The following NOC4L variants were observed in gnomAD, a reference collection of about 807,000 sequenced individuals.
The protein encoded by NOC4L is nucleolar complex associated 4 homolog.
NOC4L carries 40 observed loss-of-function variants against 62.8 expected under a neutral mutation model. That is an observed-to-expected ratio of 0.64 (90% CI 0.49 to 0.83). The LOEUF (loss-of-function observed/expected upper bound fraction) is 0.83. NOC4L is among the 40% of genes least tolerant of loss of function. The probability of loss-of-function intolerance (pLI) is 0.00; values close to 1 mark genes in which losing one functional copy is unlikely to be tolerated. For missense variants in NOC4L, 927 were observed against 701.9 expected (o/e 1.32, Z -3.62); for synonymous variants, 433 against 299.8 (o/e 1.44, Z -4.59).
intron 1 of NOC4L, 68 bp downstream of exon 1, chr12:132,144,673 C>T (rs1473490906): frequency 2.1e-6 from 3 of 1,410,604 alleles, no homozygotes; most frequent in Non-Finnish European, 2.8e-6. Context: ...GGGGCTGCGG[C>T]GGCAGGTCCC....
At position 132,152,030 on chromosome 12, in the gene NOC4L, G is replaced by T. The variant is rs936845451; in HGVS notation, c.1318-54G>T. 6 of 1,507,740 alleles carry T rather than the reference G, an allele frequency of 4.0e-6. No homozygotes were observed. The African/African-American group carries it at 8.4e-5, about 21-fold the overall frequency. The allele number at this position is 1,507,740 out of a possible 1,614,324, so 93.4% of individuals were successfully genotyped here. A position where few individuals can be genotyped will look rare whatever the true frequency, so the allele number is the denominator to read the frequency against. On this transcript the variant is annotated intron_variant, in intron 13 of 14. Transcript: ENST00000330579. ...GGGAGCACAGGGAGGCCATGGCTGG[G>T]GGCACAGGGCGGGGGCCTGGGGCAG...
Position 132,147,751 on chromosome 12 carries a change from C to G in NOC4L, c.572C>G (p.Ala191Gly), listed in dbSNP as rs1897778063. 1 of 1,612,672 alleles carries G rather than the reference C, an allele frequency of 6.2e-7. No individual in the cohort carries two copies. The highest frequency in any genetic ancestry group is 1.7e-5 in the Admixed American group (1 of 60,004). The change falls in exon 5 of 15, where the codon GCC becomes GGC. Residue 191 changes from alanine to glycine, a missense_variant. Transcript: ENST00000330579. ...CACACCATGCAGGCAGCCGTGGATG[C>G]CGTGGCCCGGGTCACTGGCCAGCAC... ...RYHTMQAAVD[A>G]VARVTGQHPE...
Position 132,147,343 on chromosome 12 carries a change from G to C in NOC4L, c.408G>C (p.Lys136Asn). The change falls in exon 4 of 15, where the codon AAG (lysine) becomes AAC (asparagine). Residue 136 changes from lysine to asparagine, a missense_variant. Physicochemically the swap from Lys to Asn is moderately conservative, Grantham distance 94 (BLOSUM62 0). Coordinates refer to ENST00000330579, the MANE Select transcript of NOC4L (RefSeq NM_024078.3). The part of the protein sequence containing the change: ...VQLEGAHPLE[K>N]SKWEGNYLFP... ...TGGAAGGAGCGCACCCCCTGGAGAAGTCCAAGTGGGAAGGCAACTACCTGT... is the reference window on the plus strand; with the variant it reads ...TGGAAGGAGCGCACCCCCTGGAGAACTCCAAGTGGGAAGGCAACTACCTGT... The C allele has an allele frequency of 6.3e-7, 1 of 1,597,432 alleles. No individual in the cohort carries two copies. Among genetic ancestry groups the C allele is most frequent in the Non-Finnish European group, 8.5e-7 (1 of 1,171,864 alleles).
chr12:132,151,924 C>A, intron 13 of NOC4L, 104 bp downstream of exon 13: 1 of 1,305,818 alleles, frequency 7.7e-7, no homozygotes, highest in Non-Finnish European at 1.1e-6. Flanking sequence ...ATGTTGCGTC[C>A]CCAGCTGGCC....
chr12:132,148,027 C>T (rs367767813), intron 6 of NOC4L, 45 bp from the exon 7 acceptor site: 24 of 1,613,086 alleles, frequency 1.5e-5, no homozygotes, highest in Non-Finnish European at 1.9e-5. Context: ...CCTTGGTCTG[C>T]CTCCCCTGCG....
chr12:132,152,379 C>G lies in NOC4L; in HGVS notation c.1529C>G (p.Ala510Gly), dbSNP rs543605453. The G allele has an allele frequency of 6.3e-7, 1 of 1,580,008 alleles. No individual in the cohort carries two copies. The highest frequency in any genetic ancestry group is 1.2e-5 in the South Asian group (1 of 86,804). Residue 510 changes from alanine to glycine, a missense_variant, in exon 15 of 15, where the codon GCC becomes GGC. Transcript: ENST00000330579. ...CTGGGACGGCCGGGTGAACTCTGTG[C>G]CCAGCACTTCACGCTCAGCTGACCC... Reference protein sequence around the residue: ...GLLGRPGELCAQHFTLS With the variant: ...GLLGRPGELCGQHFTLS
At chr12:132,148,189 G>T (rs747820871) in intron 7 of NOC4L, 83 bp downstream of exon 7, 320 of 1,424,268 alleles carry the variant, frequency 2.2e-4, no homozygotes, top group Non-Finnish European at 3.0e-4. Context: ...GGAGGCTGCC[G>T]CCTTCCTCAC....
intron 3 of NOC4L, among the ~76,000 whole-genome samples, chr12:132,145,989 A>G (rs1005118891): frequency 1.3e-5 from 2 of 152,220 alleles, no homozygotes; most frequent in African/African-American, 2.4e-5. Context: ...ATGGGAATGC[A>G]TTATGAGCTT....
In NOC4L at chr12:132,147,771, C is replaced by G. The variant is rs1489659996; in HGVS notation, c.592C>G (p.Gln198Glu). 1 of 1,612,514 alleles carries G rather than the reference C, an allele frequency of 6.2e-7. No homozygotes were observed. The highest frequency in any genetic ancestry group is 8.5e-7 in the Non-Finnish European group (1 of 1,179,938). The change falls in exon 5 of 15, where the codon CAG (glutamine) becomes GAG (glutamate). Residue 198 changes from glutamine (Q) to glutamate (E), a missense_variant. By Grantham distance (29) the Gln-to-Glu change is conservative (BLOSUM62 2). Transcript: ENST00000330579. ...AVDAVARVTGQHPEVPPAFWN... is the reference protein window; with the variant it reads ...AVDAVARVTGEHPEVPPAFWN... Reference sequence around the variant, plus strand: ...GGATGCCGTGGCCCGGGTCACTGGCCAGCACCCCGAGGTGGGTGATGGGGT... The same window carrying G: ...GGATGCCGTGGCCCGGGTCACTGGCGAGCACCCCGAGGTGGGTGATGGGGT...
At chr12:132,147,611 G>A in intron 4 of NOC4L, 22 bp from the exon 5 acceptor site, 1 of 1,611,262 alleles carries the variant, frequency 6.2e-7, no homozygotes, top group East Asian at 2.2e-5. Flanking sequence ...GGGCAGGGCT[G>A]CTCACTGGTC....
Position 132,148,671 on chromosome 12 carries a change from G to A in NOC4L, c.789+12G>A, listed in dbSNP as rs200950947. 6.5e-7 allele frequency: 1 copy of A among 1,539,488 alleles called. No homozygotes were observed. Among genetic ancestry groups the A allele is most frequent in the Admixed American group, 2.0e-5 (1 of 49,668 alleles). On this transcript the variant is annotated intron_variant, in intron 8 of 14. Transcript: ENST00000330579. ...TCCTCAAGCACAAGGTAGGGGCCAGGCCGGGGAGGGGGCGGGGGCGGCATC... is the reference window on the plus strand; with the variant it reads ...TCCTCAAGCACAAGGTAGGGGCCAGACCGGGGAGGGGGCGGGGGCGGCATC...
In NOC4L at chr12:132,151,003, C is replaced by T. The variant is rs201342608; in HGVS notation, c.924C>T (p.Ala308=). The T allele has an allele frequency of 1.2e-5, 20 of 1,610,930 alleles. No individual in the cohort carries two copies. The highest frequency in any genetic ancestry group is 1.3e-5 in the African/African-American group (1 of 74,902). Residue 308 remains alanine, a synonymous_variant, in exon 10 of 15, where the codon GCC becomes GCT. Coordinates refer to ENST00000330579, the MANE Select transcript of NOC4L (RefSeq NM_024078.3). ...CDLGGALSLL[A]LNGLFILIHK... is the part of the protein sequence containing the mutation. Reference sequence around the variant, plus strand: ...CAGGGGGGGCCCTCAGCCTCTTGGCCTTGAACGGGCTGTTCATCTTGATTC... The same window carrying T: ...CAGGGGGGGCCCTCAGCCTCTTGGCTTTGAACGGGCTGTTCATCTTGATTC...
At chr12:132,146,164 C>T (rs564676502) in intron 3 of NOC4L, 177 of 445,716 alleles carry the variant, frequency 4.0e-4, no homozygotes, top group Non-Finnish European at 7.4e-4. Context: ...TATCCCGCCC[C>T]TTTCCACCCC....
chr12:132,145,757 G>A (rs933641490), intron 3 of NOC4L, 92 bp downstream of exon 3: 2 of 859,980 alleles, frequency 2.3e-6, no homozygotes, highest in Non-Finnish European at 3.7e-6. Flanking sequence ...TCCCACAATT[G>A]TCCAGGCAAA....
At chr12:132,147,568 G>A (rs1897770178) in intron 4 of NOC4L, 65 bp from the exon 5 acceptor site, 3 of 1,574,754 alleles carry the variant, frequency 1.9e-6, no homozygotes, top group South Asian at 1.2e-5. Context: ...GGGCAGGGCT[G>A]CCTGCCTGGA....
rs1180513888 is a variant in NOC4L at position 132,144,584 on chromosome 12, C to G, written c.96C>G (p.Phe32Leu). The stretch of plus-strand genomic sequence containing the variant: ...GCCGCAGTGAGGCCAACGCCGTGTT[C>G]GACATCCTGGCCGTGCTGCAGGTGG... ...LASRSEANAVFDILAVLQSED... is the reference protein window; with the variant it reads ...LASRSEANAVLDILAVLQSED... Residue 32 changes from phenylalanine (F) to leucine (L), a missense_variant, in exon 1 of 15, where the codon TTC (phenylalanine) becomes TTG (leucine). By Grantham distance (22) the Phe-to-Leu change is conservative. Transcript: ENST00000330579. 3 of 1,522,924 alleles carry G rather than the reference C, an allele frequency of 2.0e-6. No individual in the cohort carries two copies. The highest frequency in any genetic ancestry group is 5.1e-5 in the East Asian group (2 of 39,560). 94.3% of individuals were successfully genotyped at this position (1,522,924 alleles called of 1,614,324 possible).
chr12:132,146,330 G>A (rs111628793), intron 3 of NOC4L: 21 of 456,060 alleles, frequency 4.6e-5, no homozygotes, highest in African/African-American at 3.0e-4. Flanking sequence ...GAGTAGCAGC[G>A]CGTCGTATAG....
intron 3 of NOC4L, 62 bp downstream of exon 3, chr12:132,145,727 AC>A: frequency 8.2e-7 from 1 of 1,217,168 alleles, no homozygotes; most frequent in Non-Finnish European, 1.2e-6. Flanking sequence ...CAGGTTATCC[AC>A]AAAGCAGAGG....
Position 132,151,336 on chromosome 12 carries a change from C to T in NOC4L, c.1041C>T (p.Phe347=), listed in dbSNP as rs762998432. Residue 347 remains phenylalanine (F), a synonymous_variant, in exon 11 of 15, where the codon TTC becomes TTT. Transcript: ENST00000330579. ...SVFHVKYRAR[F]FHLADLFLSS... ...TTCACGTCAAGTACCGCGCCCGCTT[C>T]TTCCACCTGGCTGACCTCTTCCTGT... The T allele has an allele frequency of 1.4e-5, 23 of 1,611,242 alleles. No homozygotes were observed. Among genetic ancestry groups the T allele is most frequent in the Non-Finnish European group, 1.7e-5 (20 of 1,179,962 alleles).
Sources: allele counts gnomAD v4.1 joint callset (sites outside exome capture counted in the v4.1 genomes callset), GRCh38; gene constraint gnomAD v4.1.1; transcripts MANE v1.5; gene names NCBI Gene and HGNC (gene_info 2026-07-23, HGNC 2026-07-21).